CDH22: variants seen among roughly 807,000 people sequenced by gnomAD.
CDH22 encodes cadherin 22.
A neutral mutation model predicts 58.4 loss-of-function variants in CDH22; 30 were observed. That is an observed-to-expected ratio of 0.51 (90% CI 0.38 to 0.70). The LOEUF (loss-of-function observed/expected upper bound fraction) is 0.70, where lower values mean the gene tolerates loss of function less well. CDH22 is among the 30% of genes least tolerant of loss of function. The probability of loss-of-function intolerance (pLI) is 0.00; values close to 1 mark genes in which losing one functional copy is unlikely to be tolerated. For missense variants in CDH22, 1,014 were observed against 1,233.9 expected, an observed-to-expected ratio of 0.82 and a Z score of 2.67; for synonymous variants, 513 against 558.2, an observed-to-expected ratio of 0.92 and a Z score of 1.14.
intron 1 of CDH22, among the ~76,000 whole-genome samples, chr20:46,261,059 T>C (rs1186127648): frequency 6.6e-6 from 1 of 152,206 alleles, no homozygotes; most frequent in Non-Finnish European, 1.5e-5. Context: ...AGACCAGAGT[T>C]TGAGTTCCAG....
At chr20:46,256,379 C>G (rs934569344) in intron 1 of CDH22, among the ~76,000 whole-genome samples, 70 of 152,102 alleles carry the variant, frequency 4.6e-4, no homozygotes, top group Admixed American at 2.6e-4. Flanking sequence ...CCAGGGAAGG[C>G]CTTGTCATTA....
chr20:46,212,972 C>T lies in CDH22; in HGVS notation c.1032+23G>A, dbSNP rs759607474. 9 of 1,604,768 alleles carry T rather than the reference C, an allele frequency of 5.6e-6. No individual in the cohort carries two copies. The East Asian group carries it at 1.1e-4, about 20-fold the overall frequency. On this transcript the variant is annotated intron_variant, in intron 6 of 11. Coordinates refer to ENST00000537909, the MANE Select transcript of CDH22 (RefSeq NM_021248.3). ...TCCCACCCCTGAGGCCTGCCTCCCC[C>T]ATTCCTCCTGAGGCAGCTGCACCTT...
Position 46,221,608 on chromosome 20 carries a change from C to T in CDH22, c.671-4615G>A, listed in dbSNP as rs563483640. On this transcript the variant is annotated intron_variant, in intron 4 of 11. Transcript: ENST00000537909. ...TGCATAACATCACTTCTGCCACATTCTATTGGCCAAAGTAGTCCCAGGCGA... is the reference window on the plus strand; with the variant it reads ...TGCATAACATCACTTCTGCCACATTTTATTGGCCAAAGTAGTCCCAGGCGA... Among the ~76,000 whole-genome samples the T allele has an allele frequency of 3.9e-5, 6 of 152,316 alleles. No homozygotes were observed. The South Asian group carries it at 1.2e-3, about 32-fold the overall frequency.
chr20:46,227,381 GC>G (rs1176245933), intron 4 of CDH22, 126 bp downstream of exon 4: 3 of 874,464 alleles, frequency 3.4e-6, no homozygotes, highest in African/African-American at 3.3e-5. Flanking sequence ...TGCACAAGGT[GC>G]CCCCTGTGCT....
intron 8 of CDH22, among the ~76,000 whole-genome samples, chr20:46,198,287 GACAC>G (rs368091518): frequency 0.042 from 5,369 of 128,650 alleles, 247 homozygotes; most frequent in African/African-American, 0.12. Context: ...GCACCAAAAA[GACAC>G]ACACACACAC....
rs1402164151 is a variant in CDH22, at chr20:46,210,830, C to T, written c.1033-270G>A. ...AGCACCCAAACTTCCTGCTTCCCAG[C>T]GCAGTGTTGGCGGCATATTTCATTA... On this transcript the variant is annotated intron_variant, in intron 6 of 11. Transcript: ENST00000537909. The surrounding 1 kb of genome is among the most constrained non-coding windows in gnomAD (Gnocchi z 4.5). 2.0e-5 allele frequency among the ~76,000 whole-genome samples: 3 copies of T among 152,346 alleles called. No homozygotes were observed. The highest frequency in any genetic ancestry group is 3.9e-4 in the East Asian group (2 of 5,186).
At chr20:46,272,604 G>A (rs546647992) in intron 1 of CDH22, among the ~76,000 whole-genome samples, 4 of 152,200 alleles carry the variant, frequency 2.6e-5, no homozygotes, top group Non-Finnish European at 5.9e-5. Context: ...CCATCCAAGA[G>A]ACTGTCATGG....
intron 4 of CDH22, chr20:46,219,799 T>A (rs1250348422): frequency 6.6e-6 from 1 of 152,262 alleles, no homozygotes; most frequent in Non-Finnish European, 1.5e-5. Context: ...TGATTATACC[T>A]GTTTTATAGA....
At chr20:46,263,416 G>GTGTGTA (rs72128471) in intron 1 of CDH22, among the ~76,000 whole-genome samples, 1 of 151,606 alleles carries the variant, frequency 6.6e-6, no homozygotes, top group Non-Finnish European at 1.5e-5. Context: ...CTGTGTGTGT[G>GTGTGTA]TGTGTGTGTG....
chr20:46,224,345 G>C (rs6104506), intron 4 of CDH22, among the ~76,000 whole-genome samples: 2 of 152,176 alleles, frequency 1.3e-5, no homozygotes, highest in African/African-American at 4.8e-5. Context: ...GCACATAATA[G>C]GCACTCAATA....
chr20:46,232,023 G>A (rs570254182), intron 3 of CDH22, among the ~76,000 whole-genome samples: 1 of 152,316 alleles, frequency 6.6e-6, no homozygotes, highest in East Asian at 1.9e-4. Flanking sequence ...CTGGGGCTGT[G>A]CCTCCCTGAG....
intron 1 of CDH22, among the ~76,000 whole-genome samples, chr20:46,253,350 G>T (rs541677278): frequency 2.0e-5 from 3 of 152,252 alleles, no homozygotes; most frequent in African/African-American, 7.2e-5. Flanking sequence ...TGAGGGTGAC[G>T]GTGAAGGGGT....
chr20:46,218,701 C>T (rs547147572), intron 4 of CDH22, among the ~76,000 whole-genome samples: 22 of 152,290 alleles, frequency 1.4e-4, no homozygotes, highest in South Asian at 2.1e-4. Context: ...CAGCTAATCA[C>T]GGAGCAGACA....
intron 11 of CDH22, 63 bp from the exon 12 acceptor site, chr20:46,175,140 TCTACCCC>T: frequency 1.3e-6 from 2 of 1,483,620 alleles, no homozygotes. Context: ...AGAAGGACCC[TCTACCCC>T]ATCTCCTCCC....
intron 1 of CDH22, among the ~76,000 whole-genome samples, chr20:46,257,920 T>A (rs2145744604): frequency 6.6e-6 from 1 of 152,152 alleles, no homozygotes; most frequent in South Asian, 2.1e-4. Flanking sequence ...AAGGGAGATA[T>A]CCTGGGAGCC....
At chr20:46,180,035 C>G (rs1034479400) in intron 10 of CDH22, among the ~76,000 whole-genome samples, 1 of 151,666 alleles carries the variant, frequency 6.6e-6, no homozygotes, top group Non-Finnish European at 1.5e-5. Flanking sequence ...GGATTTATGG[C>G]TCCCCGCTCC....
At chr20:46,226,245 T>C (rs1019261805) in intron 4 of CDH22, among the ~76,000 whole-genome samples, 1 of 10,294 alleles carries the variant, frequency 9.7e-5, no homozygotes, top group East Asian at 7.7e-4. Flanking sequence ...CTTCTTCTTC[T>C]TCTTCTTCTT....
rs1295586527 is a variant in CDH22, at chr20:46,308,279, C to T, written c.-424G>A. The T allele has an allele frequency of 6.2e-6, 1 of 160,058 alleles. No homozygotes were observed. The highest frequency in any genetic ancestry group is 1.4e-5 in the Non-Finnish European group (1 of 73,270). The allele number at this position is 160,058 out of a possible 1,614,324, so 9.9% of individuals were successfully genotyped here. A position where few individuals can be genotyped will look rare whatever the true frequency, so the allele number is the denominator to read the frequency against. ...CCTCGGGGAGCGGCCCGGGGCTCCC[C>T]CTAGTCCTGCCGCCTCGGGACGCTG... is the stretch of plus-strand genomic sequence containing the variant. On this transcript the variant is annotated 5_prime_UTR_variant, in exon 1 of 12. Transcript: ENST00000537909. The surrounding 1 kb of genome is among the most constrained non-coding windows in gnomAD (Gnocchi z 4.3).
chr20:46,257,014 A>AG (rs2086409822), intron 1 of CDH22, among the ~76,000 whole-genome samples: 1 of 147,692 alleles, frequency 6.8e-6, no homozygotes, highest in South Asian at 2.1e-4. Context: ...CTCTAAAAGA[A>AG]AAAAAAAAAA....
Sources: gnomAD v4.1 joint callset for allele counts (sites outside exome capture counted in the v4.1 genomes callset) on GRCh38, gnomAD v4.1.1 for gene constraint, Gnocchi (gnomAD v3.1) non-coding constraint, MANE v1.5 for transcripts, NCBI Gene and HGNC (gene_info 2026-07-23, HGNC 2026-07-21) for gene names.